RTKN2: variants seen among roughly 807,000 people sequenced by gnomAD.
RTKN2 encodes the protein rhotekin 2.
In RTKN2, 69 loss-of-function variants were observed where a neutral mutation model predicts 71.5. The observed-to-expected ratio is 0.96, with a 90% confidence interval of 0.79 to 1.18. The LOEUF is 1.18. RTKN2 is among the 50% of genes most tolerant of loss of function. The pLI is 0.00. For synonymous variants in RTKN2, 236 were observed against 236.5 expected (o/e 1.00, Z 0.02); for missense variants, 724 against 719.7 (o/e 1.01, Z -0.07).
chr10:62,206,132 C>T (rs912699293), intron 9 of RTKN2, among the ~76,000 whole-genome samples: 7 of 152,094 alleles, frequency 4.6e-5, no homozygotes, highest in Admixed American at 2.6e-4. Context: ...TTTACACTTA[C>T]AGCACATCTC....
At position 62,236,351 on chromosome 10, in the gene RTKN2, A is replaced by AAAG. The variant is rs1842259200; in HGVS notation, c.489-89_489-88insCTT. ...TCTTTTATGTTTATGTAACATTTAA[A>AAAG]ATCAGCATTTAACATCAGGAAAATG... On this transcript the variant is annotated intron_variant, in intron 5 of 11. Coordinates refer to ENST00000373789, the MANE Select transcript of RTKN2 (RefSeq NM_145307.4). 7.4e-5 allele frequency: 65 copies of AAAG among 881,664 alleles called. No individual in the cohort carries two copies. The South Asian group carries it at 9.9e-4, about 13-fold the overall frequency. The allele number at this position is 881,664 out of a possible 1,614,324, so 54.6% of individuals were successfully genotyped here.
intron 11 of RTKN2, 91 bp downstream of exon 11, chr10:62,199,663 T>C: frequency 1.5e-6 from 1 of 671,294 alleles, no homozygotes; most frequent in Non-Finnish European, 2.6e-6. Flanking sequence ...CTGAAAATTT[T>C]AGCATTTTAA....
At chr10:62,244,934 T>C (rs749207912) in intron 3 of RTKN2, among the ~76,000 whole-genome samples, 18 of 152,306 alleles carry the variant, frequency 1.2e-4, no homozygotes, top group Middle Eastern at 3.4e-3. Context: ...CTAGAAACAG[T>C]TCCTTAGGTG....
intron 11 of RTKN2, among the ~76,000 whole-genome samples, chr10:62,199,279 C>T (rs891255678): frequency 6.6e-6 from 1 of 152,084 alleles, no homozygotes; most frequent in Admixed American, 6.5e-5. Flanking sequence ...ATTAGTGGGT[C>T]TAGAAATTTA....
intron 8 of RTKN2, 62 bp downstream of exon 8, chr10:62,218,133 G>T: frequency 9.9e-7 from 1 of 1,006,782 alleles, no homozygotes; most frequent in Non-Finnish European, 1.5e-6. Context: ...TGAAACAACT[G>T]CCTGTATATT....
chr10:62,238,626 G>A (rs1005382994), intron 5 of RTKN2: 1 of 151,894 alleles, frequency 6.6e-6, no homozygotes, highest in African/African-American at 2.4e-5. Context: ...ATATGTTTTG[G>A]ATCCTAAATA....
downstream of RTKN2, among the ~76,000 whole-genome samples, chr10:62,190,361 G>A (rs1217487965): frequency 6.6e-6 from 1 of 152,168 alleles, no homozygotes; most frequent in Non-Finnish European, 1.5e-5. Flanking sequence ...GGGAGACTGT[G>A]AGCAAGTTAC....
rs761800276 is a variant in RTKN2 at position 62,246,063 on chromosome 10, A to G, written c.258-6T>C. The G allele has an allele frequency of 1.9e-6, 3 of 1,561,026 alleles. No homozygotes were observed. The highest frequency in any genetic ancestry group is 1.7e-4 in the Middle Eastern group (1 of 5,896). On this transcript the variant is annotated splice_region_variant and splice_polypyrimidine_tract_variant and intron_variant, in intron 2 of 11. Transcript: ENST00000373789. ...TACTTTCAAATTTCACATCACTGTC[A>G]AAACAAAAAAACTTATGGAAAAAAG...
intron 1 of RTKN2, among the ~76,000 whole-genome samples, chr10:62,267,849 T>C (rs1842894170): frequency 6.6e-6 from 1 of 152,210 alleles, no homozygotes; most frequent in African/African-American, 2.4e-5. Flanking sequence ...CCTAAAGTTA[T>C]GGTTAAGAGT....
intron 5 of RTKN2, among the ~76,000 whole-genome samples, chr10:62,237,425 C>T (rs754743739): frequency 2.0e-5 from 3 of 151,730 alleles, no homozygotes; most frequent in Admixed American, 6.6e-5. Flanking sequence ...AGAGAGTTAC[C>T]GCAACTTTCA....
intron 7 of RTKN2, among the ~76,000 whole-genome samples, chr10:62,221,922 T>A (rs1841917209): frequency 6.6e-6 from 1 of 152,110 alleles, no homozygotes; most frequent in Non-Finnish European, 1.5e-5. Context: ...TGCCTATAAA[T>A]CTCAAAGTTT....
downstream of RTKN2, among the ~76,000 whole-genome samples, chr10:62,192,289 G>C (rs1841235340): frequency 6.6e-6 from 1 of 152,114 alleles, no homozygotes; most frequent in Non-Finnish European, 1.5e-5. Flanking sequence ...ACACAGTATA[G>C]TATCTTACAC....
Position 62,198,362 on chromosome 10 carries a change from A to G in RTKN2, c.1376T>C (p.Ile459Thr), listed in dbSNP as rs746268334. Reference protein sequence around the residue: ...KIEETNGQFLIGQHEESLPPP... With the variant: ...KIEETNGQFLTGQHEESLPPP... ...TGGTAAGGATTCTTCATGCTGACCA[A>G]TAAGGAACTGCCCATTTGTCTCTTC... The change falls in exon 12 of 12, where the codon ATT (isoleucine) becomes ACT (threonine). Residue 459 changes from isoleucine (I) to threonine (T), a missense_variant. Ile to Thr is a moderately conservative substitution (Grantham distance 89, BLOSUM62 -1). Coordinates refer to ENST00000373789, the MANE Select transcript of RTKN2 (RefSeq NM_145307.4). The G allele has an allele frequency of 6.2e-7, 1 of 1,611,294 alleles. No homozygotes were observed.
At chr10:62,206,364 C>T (rs1215434061) in intron 9 of RTKN2, among the ~76,000 whole-genome samples, 2 of 152,100 alleles carry the variant, frequency 1.3e-5, no homozygotes, top group Non-Finnish European at 2.9e-5. Flanking sequence ...CCCACATATA[C>T]ATACAATATG....
chr10:62,250,298 A>C (rs1383227211), intron 2 of RTKN2, among the ~76,000 whole-genome samples: 1 of 152,238 alleles, frequency 6.6e-6, no homozygotes, highest in Non-Finnish European at 1.5e-5. Flanking sequence ...TGTAAGATAC[A>C]CAAGAATGAG....
At chr10:62,243,151 A>C (rs1291161061) in intron 3 of RTKN2, among the ~76,000 whole-genome samples, 3 of 108,036 alleles carry the variant, frequency 2.8e-5, no homozygotes, top group African/African-American at 7.4e-5. Context: ...ACCCCACAAC[A>C]GTCCCCAGTG....
intron 5 of RTKN2, 74 bp from the exon 6 acceptor site, chr10:62,236,337 T>A: frequency 1.0e-6 from 1 of 969,908 alleles, no homozygotes; most frequent in Non-Finnish European, 1.5e-6. Flanking sequence ...CTTTTATGTT[T>A]ATGTAACATT....
chr10:62,205,130 CTT>C, intron 9 of RTKN2, 108 bp from the exon 10 acceptor site: 1 of 801,036 alleles, frequency 1.2e-6, no homozygotes, highest in Non-Finnish European at 1.9e-6. Context: ...TAACCATAAT[CTT>C]ATTGCTGATC....
At chr10:62,212,128 G>T (rs1415715350) in intron 9 of RTKN2, among the ~76,000 whole-genome samples, 1 of 151,616 alleles carries the variant, frequency 6.6e-6, no homozygotes, top group Non-Finnish European at 1.5e-5. Context: ...ATATATATGG[G>T]GTAATTAAAA....
Sources: allele counts gnomAD v4.1 joint callset (sites outside exome capture counted in the v4.1 genomes callset), GRCh38; gene constraint gnomAD v4.1.1; transcripts MANE v1.5; gene names NCBI Gene and HGNC (gene_info 2026-07-23, HGNC 2026-07-21).